The following LRRC1 variants were observed in gnomAD, a reference collection of about 807,000 sequenced individuals.
LRRC1 encodes the protein leucine-rich repeat-containing protein 1.
A neutral mutation model predicts 69.9 loss-of-function variants in LRRC1; 28 were observed. The ratio of observed to expected loss-of-function variants is 0.40; its 90% CI spans 0.30 to 0.55. The LOEUF is 0.55. LRRC1 is among the 20% of genes least tolerant of loss of function. The pLI is 0.47. For missense variants in LRRC1, 498 were observed against 609.0 expected (o/e 0.82, Z 1.92); for synonymous variants, 236 against 240.2 (o/e 0.98, Z 0.16).
intron 13 of LRRC1, 140 bp downstream of exon 13, chr6:53,920,901 A>G (rs1435603424): frequency 1.1e-6 from 1 of 906,834 alleles, no homozygotes; most frequent in Admixed American, 2.5e-5. Flanking sequence ...TTAGAAGACA[A>G]AGATAGGTAA....
chr6:53,871,016 A>G (rs867508194), intron 2 of LRRC1, among the ~76,000 whole-genome samples: 2 of 152,064 alleles, frequency 1.3e-5, no homozygotes, highest in African/African-American at 4.8e-5. Context: ...AAATATACAC[A>G]TTTTCTTTAT....
At chr6:53,834,886 C>T (rs111803102) in intron 1 of LRRC1, among the ~76,000 whole-genome samples, 7 of 152,176 alleles carry the variant, frequency 4.6e-5, no homozygotes, top group East Asian at 1.9e-4. Flanking sequence ...GGTGTGAACC[C>T]GGGAGGCGGA....
intron 10 of LRRC1, among the ~76,000 whole-genome samples, chr6:53,913,363 A>T (rs1768471760): frequency 6.6e-6 from 1 of 151,988 alleles, no homozygotes; most frequent in Admixed American, 6.5e-5. Flanking sequence ...TTTGAAAAAA[A>T]AAAACCAAAA....
At chr6:53,841,968 A>G (rs543286551) in intron 1 of LRRC1, 142 bp from the exon 2 acceptor site, 4 of 568,188 alleles carry the variant, frequency 7.0e-6, no homozygotes, top group South Asian at 2.3e-5. Context: ...TCACAACTAC[A>G]GTACTGCCAT....
rs184561422 is a variant in LRRC1 at position 53,839,972 on chromosome 6, G to A, written c.160-2138G>A. Among the ~76,000 whole-genome samples, 423 of 152,160 alleles carry A rather than the reference G, an allele frequency of 2.8e-3. 2 individuals are homozygous for A. Among genetic ancestry groups the A allele is most frequent in the African/African-American group, 9.5e-3 (394 of 41,512 alleles). ...TTTATTTTTTCAAAACCTCCCTCTG[G>A]GAGCTGTCATATTGCTGCAGTGTAG... On this transcript the variant is annotated intron_variant, in intron 1 of 13. Coordinates refer to ENST00000370888, the MANE Select transcript of LRRC1 (RefSeq NM_018214.5).
intron 2 of LRRC1, among the ~76,000 whole-genome samples, chr6:53,870,641 A>C (rs1766852193): frequency 6.6e-6 from 1 of 152,156 alleles, no homozygotes; most frequent in Admixed American, 6.5e-5. Flanking sequence ...TTGTGGTGAG[A>C]TTGTTCAAAA....
intron 10 of LRRC1, among the ~76,000 whole-genome samples, chr6:53,912,597 G>A (rs904080841): frequency 6.6e-6 from 1 of 152,006 alleles, no homozygotes; most frequent in Non-Finnish European, 1.5e-5. Flanking sequence ...GTTAAATATT[G>A]TGGTTCAATA....
intron 1 of LRRC1, among the ~76,000 whole-genome samples, chr6:53,839,891 G>A (rs1425765696): frequency 6.6e-6 from 1 of 152,074 alleles, no homozygotes; most frequent in Non-Finnish European, 1.5e-5. Context: ...TGAAAGAGTT[G>A]CAAATTTCCT....
chr6:53,817,456 TTCTA>T (rs1458061320), intron 1 of LRRC1, among the ~76,000 whole-genome samples: 3 of 152,178 alleles, frequency 2.0e-5, no homozygotes, highest in Admixed American at 1.3e-4. Context: ...ATTTGAAATG[TTCTA>T]TCTTAGTGAT....
At chr6:53,877,420 G>A (rs1191533326) in intron 2 of LRRC1, among the ~76,000 whole-genome samples, 2 of 152,130 alleles carry the variant, frequency 1.3e-5, no homozygotes, top group Non-Finnish European at 2.9e-5. Context: ...ACTTATGCAA[G>A]TTTCTTCAGC....
chr6:53,829,088 C>A (rs1014478094), intron 1 of LRRC1, among the ~76,000 whole-genome samples: 2 of 152,176 alleles, frequency 1.3e-5, no homozygotes, highest in Non-Finnish European at 2.9e-5. Context: ...AGCCAGTAAA[C>A]TGTTGGGGAG....
intron 1 of LRRC1, among the ~76,000 whole-genome samples, chr6:53,812,085 G>T (rs929414457): frequency 2.6e-5 from 4 of 152,196 alleles, no homozygotes; most frequent in Admixed American, 2.6e-4. Flanking sequence ...GGAAGCATGG[G>T]GTTTAAGAAG....
intron 11 of LRRC1, among the ~76,000 whole-genome samples, chr6:53,915,243 C>T (rs1768526795): frequency 6.6e-6 from 1 of 152,134 alleles, no homozygotes; most frequent in East Asian, 1.9e-4. Context: ...GCACGGGTCA[C>T]CATTTTTTAC....
At chr6:53,891,678 ATTG>A (rs1767686334) in intron 4 of LRRC1, among the ~76,000 whole-genome samples, 1 of 152,088 alleles carries the variant, frequency 6.6e-6, no homozygotes, top group Admixed American at 6.5e-5. Flanking sequence ...TACTGAATAT[ATTG>A]TTGTAAATAT....
chr6:53,895,128 G>A (rs1353263202), intron 4 of LRRC1, among the ~76,000 whole-genome samples: 4 of 151,754 alleles, frequency 2.6e-5, no homozygotes, highest in East Asian at 3.9e-4. Context: ...CGTGTTAGCC[G>A]GGATGGTCTC....
At chr6:53,856,034 T>G (rs1319366854) in intron 2 of LRRC1, among the ~76,000 whole-genome samples, 2 of 152,196 alleles carry the variant, frequency 1.3e-5, no homozygotes, top group African/African-American at 4.8e-5. Context: ...TCCAAAACCC[T>G]TCTTTACTGT....
chr6:53,820,916 C>CTA (rs1474374147), intron 1 of LRRC1, among the ~76,000 whole-genome samples: 3 of 152,168 alleles, frequency 2.0e-5, no homozygotes, highest in Non-Finnish European at 4.4e-5. Flanking sequence ...TATGGGAACA[C>CTA]TATGGGCTAC....
intron 4 of LRRC1, among the ~76,000 whole-genome samples, chr6:53,893,066 A>G (rs1038936285): frequency 6.6e-6 from 1 of 152,164 alleles, no homozygotes; most frequent in Non-Finnish European, 1.5e-5. Context: ...TGGAGATGAC[A>G]TCCGTGATTA....
At chr6:53,895,018 T>C (rs1581906077) in intron 4 of LRRC1, among the ~76,000 whole-genome samples, 1 of 151,612 alleles carries the variant, frequency 6.6e-6, no homozygotes, top group African/African-American at 2.4e-5. Flanking sequence ...TCCAGGTTCA[T>C]GCCATTCTCC....
Sources: allele counts gnomAD v4.1 joint callset (sites outside exome capture counted in the v4.1 genomes callset), GRCh38; gene constraint gnomAD v4.1.1; transcripts MANE v1.5; gene names NCBI Gene and HGNC (gene_info 2026-07-23, HGNC 2026-07-21).